Variants in RSAD2 observed in about 807,000 individuals in gnomAD.
RSAD2 encodes the protein radical S-adenosyl methionine domain containing 2.
RSAD2 carries 38 observed loss-of-function variants against 37.7 expected under a neutral mutation model. The ratio of observed to expected loss-of-function variants is 1.01; its 90% CI spans 0.78 to 1.32. RSAD2 has a LOEUF of 1.32. RSAD2 is among the 40% of genes most tolerant of loss of function. RSAD2 has a pLI of 0.00. For missense variants in RSAD2, 428 were observed against 437.5 expected (o/e 0.98, Z 0.19); for synonymous variants, 163 against 157.4 (o/e 1.04, Z -0.27).
chr2:6,871,810 A>G (rs1475638289), intron 1 of RSAD2, among the ~76,000 whole-genome samples: 1 of 152,228 alleles, frequency 6.6e-6, no homozygotes, highest in East Asian at 1.9e-4. Flanking sequence ...TTTCAAGTTC[A>G]TATCACTTAG....
rs1443386375 is a variant in RSAD2, at chr2:6,883,619, C to T, written c.508+87C>T. On this transcript the variant is annotated intron_variant, in intron 2 of 5. Transcript: ENST00000382040. ...ATTTCCTTCCCTCCTGGGCCTTCAG[C>T]CAGGCCTGCTGAGGAACTGGAAGGG... is the stretch of plus-strand genomic sequence containing the variant. 6 of 1,490,856 alleles carry T rather than the reference C, an allele frequency of 4.0e-6. No homozygotes were observed. In the East Asian group the frequency reaches 1.4e-4, roughly 34 times the overall value. The allele number at this position is 1,490,856 out of a possible 1,614,324, so 92.4% of individuals were successfully genotyped here.
intron 1 of RSAD2, among the ~76,000 whole-genome samples, chr2:6,870,243 G>T (rs1285756745): frequency 6.6e-6 from 1 of 152,096 alleles, no homozygotes; most frequent in Admixed American, 6.5e-5. Context: ...TGTCAGAAGC[G>T]GAATAAGAAA....
chr2:6,885,811 G>C (rs1663505500), intron 2 of RSAD2, among the ~76,000 whole-genome samples: 1 of 152,180 alleles, frequency 6.6e-6, no homozygotes, highest in Non-Finnish European at 1.5e-5. Flanking sequence ...TGGAGATCAG[G>C]TGCTCAGTTA....
In RSAD2 at chr2:6,895,975, G is replaced by A. The variant is rs746183202; in HGVS notation, c.*33G>A. The A allele has an allele frequency of 1.2e-6, 2 of 1,600,652 alleles. No individual in the cohort carries two copies. The highest frequency in any genetic ancestry group is 8.5e-7 in the Non-Finnish European group (1 of 1,170,598). On this transcript the variant is annotated 3_prime_UTR_variant, in exon 6 of 6. Transcript: ENST00000382040. ...AGTGGAACGAGACTTCAACACACCA[G>A]TGGGAAAACTCCTAGAGTAACTGCC...
intron 1 of RSAD2, among the ~76,000 whole-genome samples, chr2:6,871,135 C>G (rs886633623): frequency 6.6e-5 from 10 of 152,182 alleles, no homozygotes; most frequent in Non-Finnish European, 1.3e-4. Flanking sequence ...GTCATCATCT[C>G]TCTTCGGGAA....
At chr2:6,890,059 CT>C in intron 3 of RSAD2, 116 bp from the exon 4 acceptor site, 1 of 928,814 alleles carries the variant, frequency 1.1e-6, no homozygotes, top group Non-Finnish European at 1.6e-6. Flanking sequence ...TAGAATGTTC[CT>C]CAGCTCGTAG....
upstream of RSAD2, chr2:6,876,770 G>A (rs548697650): frequency 6.6e-6 from 1 of 152,236 alleles, no homozygotes; most frequent in South Asian, 2.1e-4. Flanking sequence ...CTTAAAGTTT[G>A]CCAGGCACTA....
intron 1 of RSAD2, among the ~76,000 whole-genome samples, chr2:6,879,673 A>C (rs569558103): frequency 1.1e-4 from 16 of 149,148 alleles, no homozygotes; most frequent in Non-Finnish European, 2.4e-4. Flanking sequence ...TATTTTGTTC[A>C]GTTTTTTTTT....
chr2:6,877,483 C>G (rs2103238841), upstream of RSAD2, among the ~76,000 whole-genome samples: 1 of 152,284 alleles, frequency 6.6e-6, no homozygotes, highest in African/African-American at 2.4e-5. Flanking sequence ...AGACAGAGAG[C>G]TAGATATTGA....
In RSAD2 at chr2:6,878,091, C is replaced by A. The variant is rs1031127307; in HGVS notation, c.291C>A (p.Ser97=). Residue 97 remains serine (S), a synonymous_variant, in exon 1 of 6, where the codon TCC becomes TCA. Transcript: ENST00000382040. The stretch of plus-strand genomic sequence containing the variant: ...TCTGTTTCCACACAGCCAAAACATC[C>A]TTTGTGCTGCCCCTTGAGGAAGCAA... ...CGFCFHTAKT[S]FVLPLEEAKR... 4.3e-6 allele frequency: 7 copies of A among 1,614,080 alleles called. No homozygotes were observed. In the Admixed American group the frequency reaches 5.0e-5, roughly 12 times the overall value.
At chr2:6,866,486 T>C in intron 1 of RSAD2, 1 of 985,624 alleles carries the variant, frequency 1.0e-6, no homozygotes, top group Non-Finnish European at 1.2e-6. Context: ...ACTCTCCAAC[T>C]GGGAAGTGTC....
At chr2:6,879,643 T>C (rs1663361791) in intron 1 of RSAD2, among the ~76,000 whole-genome samples, 1 of 152,168 alleles carries the variant, frequency 6.6e-6, no homozygotes, top group South Asian at 2.1e-4. Flanking sequence ...AAATATGTCT[T>C]GCAGCTTTTT....
At chr2:6,879,065 CA>C (rs1218075757) in intron 1 of RSAD2, 2 of 456,138 alleles carry the variant, frequency 4.4e-6, no homozygotes, top group Non-Finnish European at 8.8e-6. Flanking sequence ...GGACTTCTAA[CA>C]CACAGATTCA....
At position 6,895,879 on chromosome 2, in the gene RSAD2, G is replaced by C; in HGVS notation, c.1023G>C (p.Lys341Asn). Residue 341 changes from lysine to asparagine, a missense_variant, in exon 6 of 6, where the codon AAG becomes AAC. Physicochemically the swap from Lys to Asn is moderately conservative, Grantham distance 94. Transcript: ENST00000382040. ...EAIKFSGFDE[K>N]MFLKRGGKYI... is the part of the protein sequence containing the mutation. ...TAAAATTCAGTGGATTTGATGAAAA[G>C]ATGTTTCTGAAGCGAGGAGGAAAAT... The C allele has an allele frequency of 6.2e-7, 1 of 1,614,182 alleles. No individual in the cohort carries two copies. Among genetic ancestry groups the C allele is most frequent in the Non-Finnish European group, 8.5e-7 (1 of 1,180,012 alleles).
Position 6,877,821 on chromosome 2 carries a change from T to A in RSAD2, c.21T>A (p.Ala7=). The change falls in exon 1 of 6, where the codon GCT becomes GCA. Residue 7 remains alanine, a synonymous_variant. Coordinates refer to ENST00000382040, the MANE Select transcript of RSAD2 (RefSeq NM_080657.5). ...CCACAATGTGGGTGCTTACACCTGC[T>A]GCTTTTGCTGGGAAGCTCTTGAGTG... The part of the protein sequence containing the change: MWVLTP[A]AFAGKLLSVF... 6.2e-7 allele frequency: 1 copy of A among 1,614,000 alleles called. No individual in the cohort carries two copies.
chr2:6,882,235 A>G (rs1172211732), intron 1 of RSAD2, among the ~76,000 whole-genome samples: 2 of 152,208 alleles, frequency 1.3e-5, no homozygotes, highest in African/African-American at 4.8e-5. Context: ...GGCAGACACC[A>G]AAACAAATAC....
rs1435809527 is a variant in RSAD2 at position 6,893,703 on chromosome 2, TGTGA to T, written c.921+3_921+6del. ...ACTCCTACCTTATTCTGGATGAATA[TGTGA>T]GTATTTCCAATGAGTTATAAAATTA... On this transcript the variant is annotated splice_donor_variant and splice_donor_region_variant and intron_variant, in intron 5 of 5. Transcript: ENST00000382040. LOFTEE classifies it high-confidence loss of function. The T allele has an allele frequency of 3.1e-6, 5 of 1,592,672 alleles. No individual in the cohort carries two copies. Among genetic ancestry groups the T allele is most frequent in the East Asian group, 4.5e-5 (2 of 44,780 alleles).
intron 4 of RSAD2, among the ~76,000 whole-genome samples, chr2:6,893,313 G>A (rs564146625): frequency 6.6e-6 from 1 of 152,296 alleles, no homozygotes; most frequent in East Asian, 1.9e-4. Flanking sequence ...GGAGAAATTA[G>A]ATACATGGTG....
intron 4 of RSAD2, 90 bp downstream of exon 4, chr2:6,890,415 T>A: frequency 7.1e-7 from 1 of 1,401,990 alleles, no homozygotes; most frequent in South Asian, 1.3e-5. Context: ...CCCCACACAT[T>A]GTTATTTTAG....
Sources: allele counts gnomAD v4.1 joint callset (sites outside exome capture counted in the v4.1 genomes callset), GRCh38; gene constraint gnomAD v4.1.1; transcripts MANE v1.5; gene names NCBI Gene and HGNC (gene_info 2026-07-23, HGNC 2026-07-21).